Variants in ERBB4 observed in about 807,000 individuals in gnomAD.
ERBB4 encodes the protein receptor tyrosine-protein kinase erbB-4.
A neutral mutation model predicts 158.0 loss-of-function variants in ERBB4; 42 were observed. The ratio of observed to expected loss-of-function variants is 0.27; its 90% CI spans 0.21 to 0.34. ERBB4 has a LOEUF of 0.34. ERBB4 is among the 10% of genes least tolerant of loss of function. The probability of loss-of-function intolerance (pLI) is 1.00; values close to 1 mark genes in which losing one functional copy is unlikely to be tolerated. For missense variants in ERBB4, 1,333 were observed against 1,624.1 expected (o/e 0.82, Z 3.08); for synonymous variants, 583 against 558.7 (o/e 1.04, Z -0.61).
At chr2:212,465,152 G>A (rs1343727222) in intron 1 of ERBB4, among the ~76,000 whole-genome samples, 1 of 152,118 alleles carries the variant, frequency 6.6e-6, no homozygotes, top group Non-Finnish European at 1.5e-5. Flanking sequence ...TAGCAGTCCA[G>A]CATTTATATA....
chr2:211,989,307 A>T (rs10181384), intron 2 of ERBB4, among the ~76,000 whole-genome samples: 98,812 of 151,684 alleles, frequency 0.65, 35,760 homozygotes, highest in Non-Finnish European at 0.82. Context: ...AGCATTTGTT[A>T]TTTTCTCCTT....
Position 211,704,084 on chromosome 2 carries a change from C to G in ERBB4, c.1289+20G>C. 1.4e-6 allele frequency: 2 copies of G among 1,402,406 alleles called. No individual in the cohort carries two copies. Among genetic ancestry groups the G allele is most frequent in the Non-Finnish European group, 2.0e-6 (2 of 986,834 alleles). The allele number at this position is 1,402,406 out of a possible 1,614,324, so 86.9% of individuals were successfully genotyped here. On this transcript the variant is annotated intron_variant, in intron 11 of 27. Transcript: ENST00000342788. ...CTCTTGAAATCTGTGAGCCCTGCAG[C>G]TTTAAACATATCCACTTACCTATAG...
intron 20 of ERBB4, among the ~76,000 whole-genome samples, chr2:211,432,099 A>G (rs1214195759): frequency 2.0e-5 from 3 of 152,184 alleles, no homozygotes; most frequent in Admixed American, 6.5e-5. Flanking sequence ...GAAATTCTAT[A>G]TTTGATGATT....
chr2:212,024,726 C>T (rs1244556333), intron 2 of ERBB4, among the ~76,000 whole-genome samples: 1 of 151,776 alleles, frequency 6.6e-6, no homozygotes, highest in African/African-American at 2.4e-5. Context: ...ACATATTCAA[C>T]GACATAAAAA....
chr2:211,960,473 C>A (rs1475850802), intron 2 of ERBB4: 8 of 152,062 alleles, frequency 5.3e-5, no homozygotes, highest in Admixed American at 1.3e-4. Context: ...AGAAAATAAG[C>A]ATTCATCCTT....
chr2:212,092,941 C>T (rs1175352251), intron 2 of ERBB4, among the ~76,000 whole-genome samples: 2 of 152,000 alleles, frequency 1.3e-5, no homozygotes, highest in African/African-American at 2.4e-5. Flanking sequence ...ACATGTACTC[C>T]AGAATTTAAA....
At chr2:211,791,389 CAACA>C (rs1439305016) in intron 3 of ERBB4, among the ~76,000 whole-genome samples, 1 of 151,744 alleles carries the variant, frequency 6.6e-6, no homozygotes, top group Non-Finnish European at 1.5e-5. Context: ...TTATACCAAC[CAACA>C]GTTTCCCCCC....
intron 1 of ERBB4, among the ~76,000 whole-genome samples, chr2:212,486,037 C>T (rs904467766): frequency 1.3e-5 from 2 of 151,896 alleles, no homozygotes; most frequent in Non-Finnish European, 2.9e-5. Context: ...AAAGAACATG[C>T]CAGTAATCAC....
At chr2:211,899,339 T>C (rs1014138205) in intron 3 of ERBB4, among the ~76,000 whole-genome samples, 2 of 152,128 alleles carry the variant, frequency 1.3e-5, no homozygotes, top group East Asian at 1.9e-4. Context: ...ATTAGTAAAC[T>C]AACTGCCATA....
At chr2:211,741,438 T>C (rs929838917) in intron 5 of ERBB4, among the ~76,000 whole-genome samples, 1 of 133,138 alleles carries the variant, frequency 7.5e-6, no homozygotes, top group African/African-American at 3.0e-5. Flanking sequence ...AATCTATAAC[T>C]ATATATGTAG....
intron 3 of ERBB4, among the ~76,000 whole-genome samples, chr2:211,911,532 T>C (rs760749771): frequency 2.6e-5 from 4 of 152,036 alleles, no homozygotes; most frequent in Non-Finnish European, 4.4e-5. Flanking sequence ...TCTCAAAATA[T>C]TAGGATTACA....
chr2:211,978,438 C>CTATCTATG (rs1270012375), intron 2 of ERBB4, among the ~76,000 whole-genome samples: 1 of 151,316 alleles, frequency 6.6e-6, no homozygotes, highest in East Asian at 1.9e-4. Context: ...ATCTATCTAT[C>CTATCTATG]TAATTTAATG....
At chr2:212,249,477 AAG>A (rs2084447613) in intron 1 of ERBB4, among the ~76,000 whole-genome samples, 1 of 151,884 alleles carries the variant, frequency 6.6e-6, no homozygotes. Context: ...CTAGAGGGAA[AAG>A]CAAGCAGTTT....
intron 5 of ERBB4, among the ~76,000 whole-genome samples, chr2:211,726,463 C>A (rs1203390378): frequency 6.6e-6 from 1 of 152,134 alleles, no homozygotes; most frequent in Non-Finnish European, 1.5e-5. Flanking sequence ...GAGTGTATTT[C>A]TTTTCTAAGT....
intron 1 of ERBB4, among the ~76,000 whole-genome samples, chr2:212,366,541 C>T (rs977646219): frequency 6.6e-5 from 10 of 151,884 alleles, no homozygotes; most frequent in African/African-American, 2.4e-4. Context: ...ACCACACTGT[C>T]CAGCTATTGG....
chr2:211,961,487 A>G (rs2081178694), intron 2 of ERBB4, among the ~76,000 whole-genome samples: 1 of 152,160 alleles, frequency 6.6e-6, no homozygotes, highest in Non-Finnish European at 1.5e-5. Flanking sequence ...CATGAAGCTC[A>G]TGCTGACTGC....
At chr2:211,886,952 A>T (rs1442029733) in intron 3 of ERBB4, among the ~76,000 whole-genome samples, 2 of 152,208 alleles carry the variant, frequency 1.3e-5, no homozygotes, top group African/African-American at 4.8e-5. Context: ...CTTGTTCCTT[A>T]TCATTTCCAA....
At chr2:212,086,667 T>G (rs756646495) in intron 2 of ERBB4, among the ~76,000 whole-genome samples, 1 of 152,018 alleles carries the variant, frequency 6.6e-6, no homozygotes, top group Non-Finnish European at 1.5e-5. Flanking sequence ...ATCAGGGTCT[T>G]AATTTTATAA....
intron 2 of ERBB4, among the ~76,000 whole-genome samples, chr2:212,045,994 G>C (rs2077252297): frequency 6.6e-6 from 1 of 152,088 alleles, no homozygotes; most frequent in South Asian, 2.1e-4. Context: ...AGACTCACTG[G>C]TATTCAGGGA....
Sources: gnomAD v4.1 joint callset for allele counts (sites outside exome capture counted in the v4.1 genomes callset) on GRCh38, gnomAD v4.1.1 for gene constraint, MANE v1.5 for transcripts, NCBI Gene and HGNC (gene_info 2026-07-23, HGNC 2026-07-21) for gene names.